STX6: variants seen among roughly 807,000 people sequenced by gnomAD.
The protein encoded by STX6 is syntaxin-6.
A neutral mutation model predicts 38.0 loss-of-function variants in STX6; 23 were observed. That is an observed-to-expected ratio of 0.60 (90% CI 0.43 to 0.86). STX6 has a LOEUF of 0.86. Among genes scored for constraint, STX6 ranks in the 40% least tolerant of loss-of-function variants. The pLI, the probability that STX6 is intolerant of heterozygous loss-of-function variation, is 0.00. For synonymous variants in STX6, 123 were observed against 107.5 expected (o/e 1.14, Z -0.89); for missense variants, 274 against 312.9 (o/e 0.88, Z 0.94).
intron 7 of STX6, among the ~76,000 whole-genome samples, chr1:180,980,004 C>T (rs187026583): frequency 2.0e-5 from 3 of 152,054 alleles, no homozygotes; most frequent in Non-Finnish European, 2.9e-5. Context: ...GTTAGGAGTT[C>T]AAGACCAGCC....
At chr1:180,981,700 C>T (rs868048073) in intron 7 of STX6, among the ~76,000 whole-genome samples, 1 of 152,158 alleles carries the variant, frequency 6.6e-6, no homozygotes, top group African/African-American at 2.4e-5. Flanking sequence ...TCTTTTAAAG[C>T]CGTTTTCCTC....
At chr1:180,994,884 A>T (rs1655857222) in intron 3 of STX6, among the ~76,000 whole-genome samples, 1 of 152,294 alleles carries the variant, frequency 6.6e-6, no homozygotes, top group Admixed American at 6.5e-5. Context: ...TCATTTGATC[A>T]TTACGCATTA....
chr1:181,002,479 G>T, intron 3 of STX6, 127 bp downstream of exon 3: 1 of 598,106 alleles, frequency 1.7e-6, no homozygotes, highest in Non-Finnish European at 2.9e-6. Context: ...ATATGGGGAA[G>T]CTCACATTTA....
Position 180,990,027 on chromosome 1 carries a change from C to A in STX6, c.446G>T (p.Arg149Ile). Reference protein sequence around the residue: ...KYGRLDRELQRANSHFIEEQQ... With the variant: ...KYGRLDRELQIANSHFIEEQQ... ...CTCCTCAATGAAATGAGAATTGGCT[C>A]TCTGGAGCTCTCGGTCCAGACGCCC... Residue 149 changes from arginine (R) to isoleucine (I), a missense_variant, in exon 5 of 8, where the codon AGA (arginine) becomes ATA (isoleucine). Transcript: ENST00000258301. 6.2e-7 allele frequency: 1 copy of A among 1,614,050 alleles called. No individual in the cohort carries two copies. Among genetic ancestry groups the A allele is most frequent in the Non-Finnish European group, 8.5e-7 (1 of 1,180,016 alleles).
chr1:181,020,656 T>C (rs1419624300), intron 1 of STX6, among the ~76,000 whole-genome samples: 3 of 152,234 alleles, frequency 2.0e-5, no homozygotes, highest in Non-Finnish European at 2.9e-5. Context: ...GATACACTAC[T>C]GCCTCCAAAA....
At chr1:180,993,930 T>C (rs554791030) in intron 3 of STX6, among the ~76,000 whole-genome samples, 1 of 152,336 alleles carries the variant, frequency 6.6e-6, no homozygotes, top group Admixed American at 6.5e-5. Context: ...TAAAGTATAT[T>C]TACCATTAAA....
At chr1:180,998,898 G>A (rs1655993410) in intron 3 of STX6, among the ~76,000 whole-genome samples, 1 of 152,132 alleles carries the variant, frequency 6.6e-6, no homozygotes, top group Admixed American at 6.6e-5. Flanking sequence ...AATAAAATAT[G>A]GTTCATCTGC....
intron 3 of STX6, among the ~76,000 whole-genome samples, chr1:180,995,043 A>G (rs544183731): frequency 8.2e-4 from 124 of 151,658 alleles, no homozygotes; most frequent in African/African-American, 2.9e-3. Flanking sequence ...GCTCACTGCA[A>G]CCTCCGCCTC....
intron 1 of STX6, among the ~76,000 whole-genome samples, chr1:181,018,388 C>CAAA (rs34962747): frequency 2.3e-4 from 10 of 43,046 alleles, no homozygotes; most frequent in African/African-American, 2.7e-4. Flanking sequence ...GACTCTGTCC[C>CAAA]AAAAAAAAAA....
intron 3 of STX6, among the ~76,000 whole-genome samples, chr1:180,994,812 GAA>G (rs1157587470): frequency 6.6e-6 from 1 of 152,116 alleles, no homozygotes; most frequent in Non-Finnish European, 1.5e-5. Context: ...AAAATAGCAA[GAA>G]GAGAATAATT....
chr1:181,017,396 AAAACAAAC>A (rs563556901), intron 1 of STX6, among the ~76,000 whole-genome samples: 11 of 152,080 alleles, frequency 7.2e-5, no homozygotes, highest in East Asian at 1.9e-4. Context: ...CCGTCTCAAA[AAAACAAAC>A]AAACAAACAA....
chr1:180,988,646 G>A (rs1213465896), intron 5 of STX6: 3 of 282,004 alleles, frequency 1.1e-5, no homozygotes, highest in Non-Finnish European at 2.1e-5. Flanking sequence ...ATGGTTGAAA[G>A]CACACGTGCA....
At chr1:180,992,487 TAATAA>T (rs560793941) in intron 4 of STX6, among the ~76,000 whole-genome samples, 135 of 152,216 alleles carry the variant, frequency 8.9e-4, no homozygotes, top group Non-Finnish European at 1.7e-3. Flanking sequence ...TCTGGAATCT[TAATAA>T]AATGAGACTA....
chr1:181,008,911 C>T (rs1656314597), intron 1 of STX6, among the ~76,000 whole-genome samples: 1 of 151,880 alleles, frequency 6.6e-6, no homozygotes, highest in African/African-American at 2.4e-5. Context: ...GTTTGTCATT[C>T]TCTCCAGTAA....
chr1:180,976,566 G>C lies in STX6; in HGVS notation c.*4C>G. On this transcript the variant is annotated 3_prime_UTR_variant, in exon 8 of 8. Transcript: ENST00000258301. The stretch of plus-strand genomic sequence containing the variant: ...GGAGGAACTCGCACCCAGAGGCCCC[G>C]CCGTCACAGCACTAAGAAGAGGATG... The C allele has an allele frequency of 6.2e-7, 1 of 1,613,376 alleles. No homozygotes were observed.
intron 1 of STX6, among the ~76,000 whole-genome samples, chr1:181,018,475 T>TTA (rs1003465141): frequency 1.3e-5 from 2 of 148,196 alleles, no homozygotes; most frequent in Admixed American, 1.4e-4. Flanking sequence ...AATGACCATA[T>TTA]TATATATATA....
At chr1:181,008,052 AAT>A (rs1299845077) in intron 1 of STX6, among the ~76,000 whole-genome samples, 2 of 152,222 alleles carry the variant, frequency 1.3e-5, no homozygotes, top group Non-Finnish European at 2.9e-5. Context: ...GGAGAATTTT[AAT>A]AGTCTTTTCG....
chr1:180,993,445 G>T lies in STX6; in HGVS notation c.301-20C>A. 1 of 1,430,254 alleles carries T rather than the reference G, an allele frequency of 7.0e-7. No homozygotes were observed. Among genetic ancestry groups the T allele is most frequent in the Non-Finnish European group, 9.8e-7 (1 of 1,022,050 alleles). 88.6% of individuals were successfully genotyped at this position (1,430,254 alleles called of 1,614,324 possible). ...CATGTCCTAATGAGAAAGAAGATAC[G>T]AAAACAAATGAAAAATATCCTTAAA... On this transcript the variant is annotated intron_variant, in intron 3 of 7. Transcript: ENST00000258301.
chr1:180,987,721 G>A (rs1447222235), intron 6 of STX6: 1 of 151,876 alleles, frequency 6.6e-6, no homozygotes, highest in South Asian at 2.1e-4. Flanking sequence ...AAAACAAACT[G>A]AGGTTATGTT....
Sources: allele counts gnomAD v4.1 joint callset (sites outside exome capture counted in the v4.1 genomes callset), GRCh38; gene constraint gnomAD v4.1.1; transcripts MANE v1.5; gene names NCBI Gene and HGNC (gene_info 2026-07-23, HGNC 2026-07-21).